PARD6G: variants seen among roughly 807,000 people sequenced by gnomAD.
PARD6G encodes partitioning defective 6 homolog gamma.
A neutral mutation model predicts 10.7 loss-of-function variants in PARD6G; 7 were observed. That is an observed-to-expected ratio of 0.66 (90% CI 0.37 to 1.23). PARD6G has a LOEUF of 1.23. PARD6G is among the 50% of genes most tolerant of loss of function. PARD6G has a pLI of 0.02. For synonymous variants in PARD6G, 287 were observed against 269.4 expected (o/e 1.07, Z -0.64); for missense variants, 548 against 571.8 (o/e 0.96, Z 0.42).
intron 1 of PARD6G, among the ~76,000 whole-genome samples, chr18:80,224,585 C>T (rs147465645): frequency 9.1e-4 from 138 of 152,292 alleles, no homozygotes; most frequent in Middle Eastern, 3.4e-3. Context: ...CGGTGGCTCA[C>T]GCCTGTAATC....
rs2052859513 is a variant in PARD6G at position 80,183,773 on chromosome 18, GA to G, written c.295+18936del. The G allele has an allele frequency of 1.3e-5, 2 of 152,160 alleles. No homozygotes were observed. The highest frequency in any genetic ancestry group is 1.3e-4 in the Admixed American group (2 of 15,264). 9.4% of individuals were successfully genotyped at this position (152,160 alleles called of 1,614,324 possible). A position where few individuals can be genotyped will look rare whatever the true frequency, so the allele number is the denominator to read the frequency against. ...ATACAACTTTTAAATAAAAACAGTG[GA>G]AAATACAATAAATAAGTCCTCTAAA... On this transcript the variant is annotated intron_variant, in intron 2 of 2. Transcript: ENST00000353265. The surrounding 1 kb of genome is among the most constrained non-coding windows in gnomAD (Gnocchi z 4.5).
chr18:80,203,558 C>G (rs936798540), intron 1 of PARD6G, among the ~76,000 whole-genome samples: 2 of 152,142 alleles, frequency 1.3e-5, no homozygotes, highest in African/African-American at 2.4e-5. Flanking sequence ...TAGGAAAAAG[C>G]AACGTCAAAA....
intron 1 of PARD6G, among the ~76,000 whole-genome samples, chr18:80,233,688 G>T (rs1244093515): frequency 6.6e-6 from 1 of 152,082 alleles, no homozygotes; most frequent in Non-Finnish European, 1.5e-5. Context: ...TCCTTTCACA[G>T]CCTTAACCAG....
chr18:80,247,202 T>G lies in PARD6G; in HGVS notation c.72+75A>C, dbSNP rs1262656213. The G allele has an allele frequency of 2.4e-6, 3 of 1,235,586 alleles. No homozygotes were observed. The highest frequency in any genetic ancestry group is 3.4e-6 in the Non-Finnish European group (3 of 891,314). 76.5% of individuals were successfully genotyped at this position (1,235,586 alleles called of 1,614,324 possible). ...GCCTGTCGCCTCCACGCCGCCCCAG[T>G]CCCCCTCCGCGGGGCGCCCCATTCA... On this transcript the variant is annotated intron_variant, in intron 1 of 2. Transcript: ENST00000353265. This position sits in a 1 kb window ranked among gnomAD's most constrained non-coding sequence, Gnocchi z 4.2.
chr18:80,172,097 A>T (rs1645452216), intron 2 of PARD6G, among the ~76,000 whole-genome samples: 1 of 152,180 alleles, frequency 6.6e-6, no homozygotes, highest in Non-Finnish European at 1.5e-5. Flanking sequence ...TAACTGTTTG[A>T]GGAACTGCCA....
chr18:80,218,924 A>G (rs1004939279), intron 1 of PARD6G, among the ~76,000 whole-genome samples: 2 of 152,180 alleles, frequency 1.3e-5, no homozygotes, highest in Admixed American at 1.3e-4. Flanking sequence ...ATCTGAAGCA[A>G]CCACCTGAGC....
In PARD6G at chr18:80,247,170, C is replaced by G. The variant is rs1265711040; in HGVS notation, c.72+107G>C. Reference sequence around the variant, plus strand: ...CGCGGCGCCCGAACTGGAAAGTTGTCGCCGGCGCCTGTCGCCTCCACGCCG... The same window carrying G: ...CGCGGCGCCCGAACTGGAAAGTTGTGGCCGGCGCCTGTCGCCTCCACGCCG... On this transcript the variant is annotated intron_variant, in intron 1 of 2. Transcript: ENST00000353265. The surrounding 1 kb of genome is among the most constrained non-coding windows in gnomAD (Gnocchi z 4.2). 2 of 831,574 alleles carry G rather than the reference C, an allele frequency of 2.4e-6. No individual in the cohort carries two copies. The allele number at this position is 831,574 out of a possible 1,614,324, so 51.5% of individuals were successfully genotyped here. A position where few individuals can be genotyped will look rare whatever the true frequency, so the allele number is the denominator to read the frequency against.
In PARD6G at chr18:80,158,114, T is replaced by G. The variant is rs774147388; in HGVS notation, c.*1657A>C. 1.3e-5 allele frequency: 2 copies of G among 152,210 alleles called. No individual in the cohort carries two copies. The highest frequency in any genetic ancestry group is 2.9e-5 in the Non-Finnish European group (2 of 68,040). The allele number at this position is 152,210 out of a possible 1,614,324, so 9.4% of individuals were successfully genotyped here. A position where few individuals can be genotyped will look rare whatever the true frequency, so the allele number is the denominator to read the frequency against. The stretch of plus-strand genomic sequence containing the variant: ...TTGTATCAAATAGGAATTTTTAAAA[T>G]TACTAAATATATAAACGTTGCTGGA... On this transcript the variant is annotated 3_prime_UTR_variant, in exon 3 of 3. Transcript: ENST00000353265.
At chr18:80,244,420 C>G (rs926921820) in intron 1 of PARD6G, among the ~76,000 whole-genome samples, 7 of 151,986 alleles carry the variant, frequency 4.6e-5, no homozygotes, top group African/African-American at 1.7e-4. Context: ...ACCATATGGC[C>G]CCTCGCGCAC....
intron 2 of PARD6G, among the ~76,000 whole-genome samples, chr18:80,166,191 G>A (rs1406375172): frequency 1.3e-5 from 2 of 151,994 alleles, no homozygotes; most frequent in African/African-American, 4.8e-5. Context: ...CTGAGATGAA[G>A]GCAGTCATGT....
rs1967437470 is a variant in PARD6G at position 80,237,546 on chromosome 18, C to G, written c.72+9731G>C. Among the ~76,000 whole-genome samples the G allele has an allele frequency of 2.0e-5, 3 of 152,096 alleles. No individual in the cohort carries two copies. The South Asian group carries it at 6.2e-4, about 31-fold the overall frequency. On this transcript the variant is annotated intron_variant, in intron 1 of 2. Coordinates refer to ENST00000353265, the MANE Select transcript of PARD6G (RefSeq NM_032510.4). ...AACTTCTGCACAGCAAAAGAAACAC[C>G]ATCAGAGTGAACAGGTAACCTACAG...
intron 1 of PARD6G, among the ~76,000 whole-genome samples, chr18:80,211,151 T>G (rs1967104014): frequency 6.6e-6 from 1 of 152,178 alleles, no homozygotes; most frequent in Non-Finnish European, 1.5e-5. Context: ...TGAAATTAGA[T>G]CCTCTGCAGC....
At chr18:80,232,983 C>T (rs1967377414) in intron 1 of PARD6G, among the ~76,000 whole-genome samples, 1 of 152,156 alleles carries the variant, frequency 6.6e-6, no homozygotes, top group African/African-American at 2.4e-5. Context: ...ACACAGGGAC[C>T]TGGGGCTGCT....
intron 1 of PARD6G, among the ~76,000 whole-genome samples, chr18:80,234,541 A>G (rs1967397473): frequency 6.6e-6 from 1 of 152,162 alleles, no homozygotes; most frequent in Non-Finnish European, 1.5e-5. Context: ...CAGAGCCAGG[A>G]ACAATCCCAA....
intron 1 of PARD6G, among the ~76,000 whole-genome samples, chr18:80,232,461 C>G (rs901921305): frequency 2.6e-5 from 4 of 152,116 alleles, no homozygotes; most frequent in Non-Finnish European, 4.4e-5. Flanking sequence ...GCCTCAGAAT[C>G]ATGGTGGGAG....
At position 80,183,465 on chromosome 18, in the gene PARD6G, T is replaced by C. The variant is rs543216841; in HGVS notation, c.295+19245A>G. On this transcript the variant is annotated intron_variant, in intron 2 of 2. Coordinates refer to ENST00000353265, the MANE Select transcript of PARD6G (RefSeq NM_032510.4). The surrounding 1 kb of genome is among the most constrained non-coding windows in gnomAD (Gnocchi z 4.5). ...GTGGAGCAGGCCCCAGAGCTTCTAA[T>C]GGTCCCAGCTGAGTCCCCCAAGGCT... Among the ~76,000 whole-genome samples, 8 of 152,228 alleles carry C rather than the reference T, an allele frequency of 5.3e-5. No homozygotes were observed. In the South Asian group the frequency reaches 1.7e-3, roughly 32 times the overall value.
chr18:80,164,355 C>T (rs2052721071), intron 2 of PARD6G, among the ~76,000 whole-genome samples: 1 of 152,214 alleles, frequency 6.6e-6, no homozygotes, highest in Non-Finnish European at 1.5e-5. Flanking sequence ...AAATCCCTCC[C>T]CTGCACTCCA....
Position 80,229,921 on chromosome 18 carries a change from G to A in PARD6G, c.72+17356C>T, listed in dbSNP as rs567454306. ...TGTGTGTCTGAGATGCTCCAGGGAC[G>A]TGTTGACACAGGGAGTTGGCTCCAG... On this transcript the variant is annotated intron_variant, in intron 1 of 2. Transcript: ENST00000353265. Among the ~76,000 whole-genome samples the A allele has an allele frequency of 4.4e-3, 673 of 152,314 alleles. 5 individuals carry two copies. Among genetic ancestry groups the A allele is most frequent in the Non-Finnish European group, 6.9e-3 (467 of 68,018 alleles).
Position 80,181,196 on chromosome 18 carries a change from A to G in PARD6G, c.296-20590T>C, listed in dbSNP as rs1399057975. Among the ~76,000 whole-genome samples, 2 of 152,088 alleles carry G rather than the reference A, an allele frequency of 1.3e-5. No individual in the cohort carries two copies. The highest frequency in any genetic ancestry group is 2.9e-5 in the Non-Finnish European group (2 of 67,990). ...ACACCCACAGACAAGCCCTGCGTACACTGACCGTAGACTGGTGTGTGCACC... is the reference window on the plus strand; with the variant it reads ...ACACCCACAGACAAGCCCTGCGTACGCTGACCGTAGACTGGTGTGTGCACC... On this transcript the variant is annotated intron_variant, in intron 2 of 2. Transcript: ENST00000353265. This position sits in a 1 kb window ranked among gnomAD's most constrained non-coding sequence, Gnocchi z 7.9.
Sources: allele counts gnomAD v4.1 joint callset (sites outside exome capture counted in the v4.1 genomes callset), GRCh38; gene constraint gnomAD v4.1.1; non-coding constraint Gnocchi (gnomAD v3.1); transcripts MANE v1.5; gene names NCBI Gene and HGNC (gene_info 2026-07-23, HGNC 2026-07-21).